CFAP43: variants seen among roughly 807,000 people sequenced by gnomAD.
CFAP43 encodes the protein cilia and flagella associated protein 43.
Under a neutral mutation model 218.9 loss-of-function variants are expected in CFAP43, and 155 were observed. The observed-to-expected ratio is 0.71, with a 90% CI of 0.62 to 0.81. The LOEUF is 0.81. CFAP43 is among the 30% of genes least tolerant of loss of function. CFAP43 has a pLI of 0.00. For synonymous variants in CFAP43, 645 were observed against 681.3 expected (o/e 0.95, Z 0.83); for missense variants, 1,778 against 1,954.3 (o/e 0.91, Z 1.70).
chr10:104,182,112 G>A (rs1349411473), intron 17 of CFAP43, among the ~76,000 whole-genome samples: 1 of 152,224 alleles, frequency 6.6e-6, no homozygotes, highest in African/African-American at 2.4e-5. Context: ...GTGGGTAGAA[G>A]ATTTTTTTTT....
At chr10:104,209,267 G>T (rs2090783660) in intron 5 of CFAP43, among the ~76,000 whole-genome samples, 1 of 152,084 alleles carries the variant, frequency 6.6e-6, no homozygotes, top group Non-Finnish European at 1.5e-5. Context: ...GTAAACTACT[G>T]GGAAAATGTC....
At chr10:104,185,892 A>C in intron 15 of CFAP43, 82 bp downstream of exon 15, 1 of 1,325,872 alleles carries the variant, frequency 7.5e-7, no homozygotes, top group East Asian at 2.7e-5. Context: ...TATATAAGCA[A>C]ATTTTTATAT....
rs767100532 is a variant in CFAP43, at chr10:104,207,816, A to T, written c.744T>A (p.Asp248Glu). ...GKEAETFRPKDDLYPLLHPTM... is the reference protein window; with the variant it reads ...GKEAETFRPKEDLYPLLHPTM... ...TCGGGTGAAGCAAAGGATATAGATC[A>T]TCTTTCGGCTTCAGGGAGAGAATAA... is the stretch of plus-strand genomic sequence containing the variant. Residue 248 changes from aspartate (D) to glutamate (E), a missense_variant, in exon 6 of 38, where the codon GAT becomes GAA. This residue lies in a region of CFAP43 where 1,553 missense variants were observed against 1,685.2 expected (regional missense o/e 0.92). Transcript: ENST00000357060. 6.2e-7 allele frequency: 1 copy of T among 1,610,730 alleles called. No homozygotes were observed. Among genetic ancestry groups the T allele is most frequent in the Admixed American group, 1.7e-5 (1 of 59,058 alleles).
chr10:104,157,614 A>G (rs1194320815), intron 27 of CFAP43, among the ~76,000 whole-genome samples: 1 of 152,108 alleles, frequency 6.6e-6, no homozygotes, highest in Non-Finnish European at 1.5e-5. Flanking sequence ...ATCAGTAAGT[A>G]TATGTGTATT....
In CFAP43 at chr10:104,207,755, T is replaced by A. The variant is rs146732399; in HGVS notation, c.805A>T (p.Ile269Phe). Residue 269 changes from isoleucine (I) to phenylalanine (F), a missense_variant, in exon 6 of 38, where the codon ATT (isoleucine) becomes TTT (phenylalanine). Ile to Phe is a conservative substitution (Grantham distance 21). Coordinates refer to ENST00000357060, the MANE Select transcript of CFAP43 (RefSeq NM_025145.7). ...AAAAGATGACCCTCTTCACAGCCAA[T>A]GTACAAGTCACTTGTTGGAGTCCAG... ...HCWTPTSDLY[I>F]GCEEGHLLMI... is the part of the protein sequence containing the mutation. The A allele has an allele frequency of 2.5e-6, 4 of 1,614,060 alleles. No homozygotes were observed. Among genetic ancestry groups the A allele is most frequent in the Non-Finnish European group, 3.4e-6 (4 of 1,180,036 alleles).
Position 104,227,835 on chromosome 10 carries a change from C to CTTTTT in CFAP43, c.320-2283_320-2279dup, listed in dbSNP as rs776193577. 3.9e-4 allele frequency among the ~76,000 whole-genome samples: 23 copies of CTTTTT among 58,370 alleles called. 1 individual carries two copies. The highest frequency in any genetic ancestry group is 5.1e-4 in the East Asian group (1 of 1,954). The allele number at this position is 58,370 out of a possible 152,430, so 38.3% of individuals were successfully genotyped here. On this transcript the variant is annotated intron_variant, in intron 2 of 37. Transcript: ENST00000357060. ...CTCCTCTATTCTACCATGTTTTCTA[C>CTTTTT]TTTTTTTTTTTTTTTTTTTTTTTTT...
chr10:104,136,453 C>T (rs1361021634), intron 34 of CFAP43, among the ~76,000 whole-genome samples: 1 of 151,770 alleles, frequency 6.6e-6, no homozygotes, highest in Non-Finnish European at 1.5e-5. Context: ...TCACTGCAAC[C>T]TCCGCCTCCC....
chr10:104,163,631 G>A (rs1347955696), intron 24 of CFAP43, among the ~76,000 whole-genome samples: 4 of 152,150 alleles, frequency 2.6e-5, no homozygotes, highest in African/African-American at 7.2e-5. Flanking sequence ...CACTGGCCTC[G>A]TTCCCGCAAT....
At position 104,232,274 on chromosome 10, in the gene CFAP43, G is replaced by A. The variant is rs1408029807; in HGVS notation, c.-28C>T. On this transcript the variant is annotated 5_prime_UTR_variant, in exon 1 of 38. Coordinates refer to ENST00000357060, the MANE Select transcript of CFAP43 (RefSeq NM_025145.7). ...GCAGTGTTTTCCTCAGGCGGGAGCA[G>A]GCAGCGCACGCAGCACCCCAGGGCG... 6.3e-7 allele frequency: 1 copy of A among 1,580,424 alleles called. No homozygotes were observed. The highest frequency in any genetic ancestry group is 2.3e-5 in the East Asian group (1 of 43,560).
chr10:104,133,250 T>A (rs891475659), intron 35 of CFAP43, among the ~76,000 whole-genome samples: 1 of 152,198 alleles, frequency 6.6e-6, no homozygotes, highest in East Asian at 1.9e-4. Context: ...ATTGAAGTGT[T>A]AGAGGCAAAA....
At chr10:104,131,289 A>C (rs1564702251) in intron 37 of CFAP43, 42 bp downstream of exon 37, 2 of 1,583,792 alleles carry the variant, frequency 1.3e-6, no homozygotes, top group African/African-American at 1.4e-5. Flanking sequence ...GATTACTTTT[A>C]AAGAAACCTA....
At position 104,188,264 on chromosome 10, in the gene CFAP43, C is replaced by T; in HGVS notation, c.1687+6G>A. On this transcript the variant is annotated splice_donor_region_variant and intron_variant, in intron 13 of 37. Coordinates refer to ENST00000357060, the MANE Select transcript of CFAP43 (RefSeq NM_025145.7). The stretch of plus-strand genomic sequence containing the variant: ...GAGCAGAACTGGCTGCTTATGTTTT[C>T]CTTACCTTGTGGCAGTAATGTAGGC... 2 of 1,613,250 alleles carry T rather than the reference C, an allele frequency of 1.2e-6. No individual in the cohort carries two copies. The highest frequency in any genetic ancestry group is 2.2e-5 in the South Asian group (2 of 90,764).
At chr10:104,167,541 T>C (rs1374125690) in intron 22 of CFAP43, 80 bp downstream of exon 22, 2 of 1,057,888 alleles carry the variant, frequency 1.9e-6, no homozygotes, top group African/African-American at 3.2e-5. Context: ...TTAAATTACA[T>C]CCCAACTCAA....
At chr10:104,146,796 G>T (rs988083937) in intron 29 of CFAP43, among the ~76,000 whole-genome samples, 18 of 151,998 alleles carry the variant, frequency 1.2e-4, no homozygotes, top group African/African-American at 3.6e-4. Flanking sequence ...AAACTTTCAG[G>T]GCTTGATCAT....
chr10:104,210,783 C>CTTTTTTTTTTTTTTTTTT (rs68153454), intron 5 of CFAP43, among the ~76,000 whole-genome samples: 1 of 75,460 alleles, frequency 1.3e-5, no homozygotes, highest in Non-Finnish European at 2.3e-5. Context: ...GTGAAACACT[C>CTTTTTTTTTTTTTTTTTT]TTTTTTTTTT....
chr10:104,213,424 G>A (rs143936031), intron 4 of CFAP43, among the ~76,000 whole-genome samples: 1,923 of 152,180 alleles, frequency 0.013, 28 homozygotes, highest in Non-Finnish European at 0.018. Context: ...TTATCACCAC[G>A]GCATTTGTCA....
At chr10:104,180,021 G>A in intron 17 of CFAP43, 89 bp from the exon 18 acceptor site, 1 of 940,668 alleles carries the variant, frequency 1.1e-6, no homozygotes, top group East Asian at 2.4e-5. Context: ...TAACTGCTTT[G>A]AATTCCTTTG....
At chr10:104,201,411 T>C (rs2134942386) in intron 8 of CFAP43, among the ~76,000 whole-genome samples, 1 of 152,316 alleles carries the variant, frequency 6.6e-6, no homozygotes, top group South Asian at 2.1e-4. Flanking sequence ...CTTTTTTACC[T>C]TGTTTTGGGT....
chr10:104,162,670 G>C (rs1213981546), intron 24 of CFAP43, among the ~76,000 whole-genome samples: 1 of 152,056 alleles, frequency 6.6e-6, no homozygotes, highest in Non-Finnish European at 1.5e-5. Flanking sequence ...GGAGGGGAGG[G>C]AGGGGGGCTC....
Sources: gnomAD v4.1 joint callset for allele counts (sites outside exome capture counted in the v4.1 genomes callset) on GRCh38, gnomAD v4.1.1 for gene constraint, gnomAD v4.1.1 regional missense constraint, MANE v1.5 for transcripts, NCBI Gene and HGNC (gene_info 2026-07-23, HGNC 2026-07-21) for gene names.